ZNF599: variants seen among roughly 807,000 people sequenced by gnomAD.
The protein encoded by ZNF599 is zinc finger protein 599.
A neutral mutation model predicts 11.7 loss-of-function variants in ZNF599; 10 were observed. The observed-to-expected ratio is 0.86, with a 90% CI of 0.53 to 1.45. The LOEUF (loss-of-function observed/expected upper bound fraction) is 1.45, where lower values mean the gene tolerates loss of function less well. Among genes scored for constraint, ZNF599 ranks in the 40% most tolerant of loss-of-function variants. The pLI is 0.00. For synonymous variants in ZNF599, 232 were observed against 253.2 expected, an observed-to-expected ratio of 0.92 and a Z score of 0.79; for missense variants, 688 against 713.6, an observed-to-expected ratio of 0.96 and a Z score of 0.41.
At chr19:34,788,117 T>C in the ZNF599 span, among the ~76,000 whole-genome samples, 1 of 151,904 alleles carries the variant, frequency 6.6e-6, no homozygotes, top group African/African-American at 2.4e-5. Context: ...ATGGGAGGAG[T>C]CTATGTGTAG....
At chr19:34,778,475 G>A in the ZNF599 span, among the ~76,000 whole-genome samples, 10 of 152,004 alleles carry the variant, frequency 6.6e-5, no homozygotes, top group Non-Finnish European at 1.2e-4. Flanking sequence ...ACTGATAAAC[G>A]TCTAGCAAAG....
chr19:34,779,163 A>G, the ZNF599 span, among the ~76,000 whole-genome samples: 3 of 151,784 alleles, frequency 2.0e-5, no homozygotes, highest in Non-Finnish European at 4.4e-5. Context: ...CCTATACTCA[A>G]ATCCTGAACT....
At chr19:34,770,107 T>C (rs2069173141) in intron 1 of ZNF599, among the ~76,000 whole-genome samples, 1 of 152,228 alleles carries the variant, frequency 6.6e-6, no homozygotes, top group African/African-American at 2.4e-5. Flanking sequence ...TGAAAATTAA[T>C]GAGAAAATGT....
chr19:34,796,805 T>C, the ZNF599 span, among the ~76,000 whole-genome samples: 1 of 152,228 alleles, frequency 6.6e-6, no homozygotes, highest in Admixed American at 6.5e-5. Context: ...CCTCCCATAG[T>C]TCATTTCAAA....
the ZNF599 span, among the ~76,000 whole-genome samples, chr19:34,780,787 GGGAGAGAAAGAGA>G: frequency 6.7e-6 from 1 of 149,754 alleles, no homozygotes; most frequent in Non-Finnish European, 1.5e-5. Context: ...AAAGAAGGAA[GGGAGAGAAAGAGA>G]GGAAAGAAAG....
At chr19:34,766,420 T>C (rs1157096610) in intron 3 of ZNF599, among the ~76,000 whole-genome samples, 1 of 151,916 alleles carries the variant, frequency 6.6e-6, no homozygotes, top group East Asian at 1.9e-4. Flanking sequence ...AGGTGAAAAA[T>C]GGTGGGATGC....
Position 34,759,666 on chromosome 19 carries a change from T to G in ZNF599, c.1135A>C (p.Asn379His). Residue 379 changes from asparagine (N) to histidine (H), a missense_variant, in exon 4 of 4, where the codon AAC (asparagine) becomes CAC (histidine). By Grantham distance (68) the Asn-to-His change is moderately conservative. Coordinates refer to ENST00000329285, the MANE Select transcript of ZNF599 (RefSeq NM_001007248.3). ...CKECGKTFCL[N>H]SSFTQHMRIH... ...CTCATGTGCTGAGTGAAGGATGAGTTGAGGCAAAAGGTTTTTCCACATTCT... is the reference window on the plus strand; with the variant it reads ...CTCATGTGCTGAGTGAAGGATGAGTGGAGGCAAAAGGTTTTTCCACATTCT... The G allele has an allele frequency of 6.2e-7, 1 of 1,614,216 alleles. No individual in the cohort carries two copies. Among genetic ancestry groups the G allele is most frequent in the Non-Finnish European group, 8.5e-7 (1 of 1,180,034 alleles).
the ZNF599 span, among the ~76,000 whole-genome samples, chr19:34,790,106 C>T: frequency 2.2e-3 from 334 of 152,314 alleles, 2 homozygotes; most frequent in African/African-American, 7.7e-3. Flanking sequence ...ATTGAAGAGA[C>T]TGTCCTTTTC....
intron 3 of ZNF599, chr19:34,763,526 G>C (rs1428813650): frequency 6.6e-6 from 1 of 152,212 alleles, no homozygotes; most frequent in South Asian, 2.1e-4. Flanking sequence ...GGCCATGTGA[G>C]CACAAAGTGA....
chr19:34,772,425 T>C, intron 1 of ZNF599: 1 of 1,042,318 alleles, frequency 9.6e-7, no homozygotes. Context: ...CAGCAGGACC[T>C]AGAGAGTCCT....
chr19:34,802,348 G>A, the ZNF599 span, among the ~76,000 whole-genome samples: 2 of 152,116 alleles, frequency 1.3e-5, no homozygotes, highest in Non-Finnish European at 2.9e-5. Flanking sequence ...GGAGGAGTGG[G>A]GTCTACAACT....
intron 3 of ZNF599, among the ~76,000 whole-genome samples, 196 bp from the exon 4 acceptor site, chr19:34,760,755 G>T (rs1485998501): frequency 6.6e-6 from 1 of 152,142 alleles, no homozygotes; most frequent in Non-Finnish European, 1.5e-5. Flanking sequence ...AAACCCAGAA[G>T]GAAAAGCAAG....
chr19:34,795,804 T>C, the ZNF599 span, among the ~76,000 whole-genome samples: 1 of 152,008 alleles, frequency 6.6e-6, no homozygotes, highest in African/African-American at 2.4e-5. Flanking sequence ...TGAGTACTTA[T>C]CTGTGCATTT....
the ZNF599 span, among the ~76,000 whole-genome samples, chr19:34,778,854 T>C: frequency 6.6e-6 from 1 of 152,168 alleles, no homozygotes; most frequent in Non-Finnish European, 1.5e-5. Flanking sequence ...CCAACCAACA[T>C]TCATTTTAAA....
chr19:34,759,722 G>A lies in ZNF599; in HGVS notation c.1079C>T (p.Thr360Ile), dbSNP rs755257998. The A allele has an allele frequency of 3.7e-6, 6 of 1,614,056 alleles. No homozygotes were observed. The East Asian group carries it at 8.9e-5, about 24-fold the overall frequency. The change falls in exon 4 of 4, where the codon ACC (threonine) becomes ATC (isoleucine). Residue 360 changes from threonine (T) to isoleucine (I), a missense_variant. Thr to Ile is a moderately conservative substitution (Grantham distance 89, BLOSUM62 -1). Transcript: ENST00000329285. ...HRSTFIQHNV[T>I]HTGEKPFLCK... Reference sequence around the variant, plus strand: ...TAAAAATGGTTTTTCTCCTGTGTGGGTCACATTGTGCTGGATAAATGTGGA... The same window carrying A: ...TAAAAATGGTTTTTCTCCTGTGTGGATCACATTGTGCTGGATAAATGTGGA...
At chr19:34,783,675 T>TA in the ZNF599 span, among the ~76,000 whole-genome samples, 63 of 152,056 alleles carry the variant, frequency 4.1e-4, no homozygotes, top group Non-Finnish European at 7.5e-4. Flanking sequence ...AAATATTTTT[T>TA]AAAAAAACAT....
the ZNF599 span, among the ~76,000 whole-genome samples, chr19:34,802,757 C>T: frequency 6.6e-6 from 1 of 152,128 alleles, no homozygotes; most frequent in Non-Finnish European, 1.5e-5. Context: ...ATGTCATGCC[C>T]TCTCACCTGC....
the ZNF599 span, among the ~76,000 whole-genome samples, chr19:34,792,280 C>G: frequency 2.6e-5 from 4 of 152,122 alleles, no homozygotes; most frequent in Non-Finnish European, 4.4e-5. Flanking sequence ...CTCAACCTCC[C>G]TGAACAAAAG....
chr19:34,785,422 T>C, the ZNF599 span, among the ~76,000 whole-genome samples: 4 of 152,130 alleles, frequency 2.6e-5, no homozygotes, highest in African/African-American at 9.7e-5. Context: ...CTCAGTAAGA[T>C]CACCTCTCTG....
Sources: allele counts gnomAD v4.1 joint callset (sites outside exome capture counted in the v4.1 genomes callset), GRCh38; gene constraint gnomAD v4.1.1; transcripts MANE v1.5; gene names NCBI Gene and HGNC (gene_info 2026-07-23, HGNC 2026-07-21).